Variants in NCOR2 observed in about 807,000 individuals in gnomAD.
NCOR2 encodes nuclear receptor corepressor 2, also known as CTG repeat protein 26.
NCOR2 carries 81 observed loss-of-function variants against 262.9 expected under a neutral mutation model. That is an observed-to-expected ratio of 0.31 (90% CI 0.26 to 0.37). NCOR2 has a LOEUF of 0.37. NCOR2 is among the 10% of genes least tolerant of loss of function. NCOR2 has a pLI of 1.00. For synonymous variants in NCOR2, 1,659 were observed against 1,559.3 expected (o/e 1.06, Z -1.51); for missense variants, 3,385 against 3,621.4 (o/e 0.93, Z 1.68).
chr12:124,560,462 G>A (rs1168237716), intron 1 of NCOR2, among the ~76,000 whole-genome samples: 1 of 152,222 alleles, frequency 6.6e-6, no homozygotes. Flanking sequence ...TTCTCAGCTT[G>A]TGCACCATAC....
At chr12:124,447,135 G>A (rs148225192) in intron 7 of NCOR2, among the ~76,000 whole-genome samples, 3,149 of 152,298 alleles carry the variant, frequency 0.021, 119 homozygotes, top group African/African-American at 0.073. Context: ...GGCTGGTCTC[G>A]AACTCCTGAC....
At chr12:124,461,764 C>A (rs1042185859) in intron 5 of NCOR2, among the ~76,000 whole-genome samples, 2 of 152,252 alleles carry the variant, frequency 1.3e-5, no homozygotes, top group Admixed American at 1.3e-4. Flanking sequence ...CGTATGCACA[C>A]AGGTGCACAG....
chr12:124,502,957 G>A (rs1253693687), intron 1 of NCOR2, among the ~76,000 whole-genome samples: 2 of 152,160 alleles, frequency 1.3e-5, no homozygotes, highest in Admixed American at 1.3e-4. Flanking sequence ...CAGACTCCTT[G>A]GCCCTCACTT....
chr12:124,509,923 A>C (rs1010309735), intron 1 of NCOR2, among the ~76,000 whole-genome samples: 1 of 151,528 alleles, frequency 6.6e-6, no homozygotes, highest in Non-Finnish European at 1.5e-5. Flanking sequence ...GAGGAACATC[A>C]CGATCTCTCT....
intron 16 of NCOR2, among the ~76,000 whole-genome samples, chr12:124,391,507 G>T (rs986310815): frequency 1.3e-5 from 2 of 152,144 alleles, no homozygotes. Flanking sequence ...CCTGGCGGGG[G>T]GGGGGTTCCA....
Position 124,454,082 on chromosome 12 carries a change from C to T in NCOR2, c.762+3024G>A, listed in dbSNP as rs575418091. Among the ~76,000 whole-genome samples the T allele has an allele frequency of 1.3e-5, 2 of 152,334 alleles. No homozygotes were observed. Among genetic ancestry groups the T allele is most frequent in the South Asian group, 4.1e-4 (2 of 4,822 alleles). On this transcript the variant is annotated intron_variant, in intron 6 of 46. Coordinates refer to ENST00000405201, the Ensembl canonical transcript of NCOR2. This position sits in a 1 kb window ranked among gnomAD's most constrained non-coding sequence, Gnocchi z 5.6. Reference sequence around the variant, plus strand: ...ACCCTGCAGAGGGTGCACCATGCAGCTGCCTCTGCTTGGAGGATGCCTGTG... The same window carrying T: ...ACCCTGCAGAGGGTGCACCATGCAGTTGCCTCTGCTTGGAGGATGCCTGTG...
chr12:124,400,081 C>T (rs2041915350), intron 15 of NCOR2, among the ~76,000 whole-genome samples: 1 of 152,110 alleles, frequency 6.6e-6, no homozygotes, highest in Admixed American at 6.5e-5. Flanking sequence ...CAAGCGTGGC[C>T]AGATCTTCTG....
chr12:124,337,042 G>A lies in NCOR2; in HGVS notation c.5826C>T (p.Val1942=), dbSNP rs772538157. 1.0e-5 allele frequency: 15 copies of A among 1,496,628 alleles called. No individual in the cohort carries two copies. In the Middle Eastern group the frequency reaches 1.3e-3, roughly 125 times the overall value. The allele number at this position is 1,496,628 out of a possible 1,614,324, so 92.7% of individuals were successfully genotyped here. A position where few individuals can be genotyped will look rare whatever the true frequency, so the allele number is the denominator to read the frequency against. The change falls in exon 38 of 47, where the codon GTC becomes GTT. Residue 1942 remains valine (V), a synonymous_variant. Coordinates refer to ENST00000405201, the Ensembl canonical transcript of NCOR2. ...CTGCTCGGGGCCGCTCTGGCCGGGCGACCCGGGGGGCCTCCTTGGGCAGCA... is the reference window on the plus strand; with the variant it reads ...CTGCTCGGGGCCGCTCTGGCCGGGCAACCCGGGGGGCCTCCTTGGGCAGCA...
intron 1 of NCOR2, among the ~76,000 whole-genome samples, chr12:124,533,911 C>G (rs2050983233): frequency 6.6e-6 from 1 of 150,550 alleles, no homozygotes; most frequent in South Asian, 2.1e-4. Context: ...TTTCTGAAAA[C>G]ATTATGAGAC....
At chr12:124,386,152 C>A (rs2040786927) in intron 16 of NCOR2, among the ~76,000 whole-genome samples, 1 of 152,170 alleles carries the variant, frequency 6.6e-6, no homozygotes, top group Non-Finnish European at 1.5e-5. Flanking sequence ...AAGGCCTGGG[C>A]TGGAGGAGCC....
chr12:124,544,398 G>A (rs974930330), intron 1 of NCOR2, among the ~76,000 whole-genome samples: 1 of 152,222 alleles, frequency 6.6e-6, no homozygotes, highest in Non-Finnish European at 1.5e-5. Flanking sequence ...CCTCTGCCCC[G>A]GGCTGCCCGC....
chr12:124,409,332 T>C (rs1159784441), intron 13 of NCOR2, among the ~76,000 whole-genome samples: 1 of 152,192 alleles, frequency 6.6e-6, no homozygotes, highest in Non-Finnish European at 1.5e-5. Flanking sequence ...GGCCCGCATG[T>C]TCCTGCTTCA....
intron 1 of NCOR2, among the ~76,000 whole-genome samples, chr12:124,501,177 C>T (rs1359578547): frequency 6.6e-6 from 1 of 152,052 alleles, no homozygotes; most frequent in South Asian, 2.1e-4. Flanking sequence ...GGAACCACGG[C>T]GGGAACACAG....
At chr12:124,423,138 T>C (rs1021356366) in intron 11 of NCOR2, among the ~76,000 whole-genome samples, 1 of 152,096 alleles carries the variant, frequency 6.6e-6, no homozygotes, top group Non-Finnish European at 1.5e-5. Context: ...CTGTCCCAAC[T>C]GGCTTCCTGC....
At chr12:124,458,300 G>C (rs1220920969) in intron 5 of NCOR2, among the ~76,000 whole-genome samples, 1 of 152,220 alleles carries the variant, frequency 6.6e-6, no homozygotes, top group Non-Finnish European at 1.5e-5. Context: ...AGGTGCCCAG[G>C]CTCCCGGGCT....
In NCOR2 at chr12:124,457,215, G is replaced by T; in HGVS notation, c.706-53C>A. On this transcript the variant is annotated intron_variant, in intron 5 of 46. Coordinates refer to ENST00000405201, the Ensembl canonical transcript of NCOR2. This position sits in a 1 kb window ranked among gnomAD's most constrained non-coding sequence, Gnocchi z 4.0. ...TTTTTTTAAAAAACAAAAAAACACAGATTATAAATAGAGGCTTCCCGGAGC... is the reference window on the plus strand; with the variant it reads ...TTTTTTTAAAAAACAAAAAAACACATATTATAAATAGAGGCTTCCCGGAGC... The T allele has an allele frequency of 6.6e-7, 1 of 1,515,710 alleles. No homozygotes were observed. Among genetic ancestry groups the T allele is most frequent in the Non-Finnish European group, 8.8e-7 (1 of 1,136,548 alleles). The allele number at this position is 1,515,710 out of a possible 1,614,324, so 93.9% of individuals were successfully genotyped here.
chr12:124,461,825 T>C (rs900445592), intron 5 of NCOR2, among the ~76,000 whole-genome samples: 11 of 152,232 alleles, frequency 7.2e-5, no homozygotes, highest in African/African-American at 2.4e-4. Context: ...CGTGGATGAA[T>C]GTTCACGCAT....
chr12:124,559,924 A>C (rs1393913223), intron 1 of NCOR2, among the ~76,000 whole-genome samples: 1 of 152,256 alleles, frequency 6.6e-6, no homozygotes, highest in Non-Finnish European at 1.5e-5. Context: ...GTCACCAATT[A>C]AGAGGCCAAA....
Position 124,440,984 on chromosome 12 carries a change from G to A in NCOR2, c.816-2988C>T, listed in dbSNP as rs2044769657. Among the ~76,000 whole-genome samples, 1 of 152,216 alleles carries A rather than the reference G, an allele frequency of 6.6e-6. No homozygotes were observed. Among genetic ancestry groups the A allele is most frequent in the Non-Finnish European group, 1.5e-5 (1 of 68,028 alleles). ...GACAGTGCTGGGGAGGGGCAGAGAG[G>A]ACGGAGGAGGGGCTGTGAGCAAGAC... On this transcript the variant is annotated intron_variant, in intron 7 of 46. Coordinates refer to ENST00000405201, the Ensembl canonical transcript of NCOR2. This position sits in a 1 kb window ranked among gnomAD's most constrained non-coding sequence, Gnocchi z 5.7.
Sources: gnomAD v4.1 joint callset for allele counts (sites outside exome capture counted in the v4.1 genomes callset) on GRCh38, gnomAD v4.1.1 for gene constraint, Gnocchi (gnomAD v3.1) non-coding constraint, MANE v1.5 for transcripts, NCBI Gene and HGNC (gene_info 2026-07-23, HGNC 2026-07-21) for gene names.